Variants in RBMS3 observed in about 807,000 individuals in gnomAD.
RBMS3 encodes the protein RNA-binding motif, single-stranded-interacting protein 3.
RBMS3 carries 27 observed loss-of-function variants against 66.8 expected under a neutral mutation model. The observed-to-expected ratio is 0.40, with a 90% CI of 0.30 to 0.56. The LOEUF (loss-of-function observed/expected upper bound fraction) is 0.56. Among genes scored for constraint, RBMS3 ranks in the 20% least tolerant of loss-of-function variants. The pLI, the probability that RBMS3 is intolerant of heterozygous loss-of-function variation, is 0.40. For synonymous variants in RBMS3, 188 were observed against 183.0 expected, an observed-to-expected ratio of 1.03 and a Z score of -0.22; for missense variants, 513 against 549.5, an observed-to-expected ratio of 0.93 and a Z score of 0.66.
At chr3:29,317,876 G>T (rs557840431) in intron 1 of RBMS3, among the ~76,000 whole-genome samples, 1 of 151,856 alleles carries the variant, frequency 6.6e-6, no homozygotes, top group Non-Finnish European at 1.5e-5. Context: ...CCCTCCAGTG[G>T]AAATGAGTTA....
At chr3:29,864,957 GAAGA>G (rs202129352) in intron 6 of RBMS3, among the ~76,000 whole-genome samples, 7,542 of 99,008 alleles carry the variant, frequency 0.076, 406 homozygotes, top group East Asian at 0.12. Context: ...GGGAAGGAAG[GAAGA>G]AAGGAAGGAA....
chr3:29,990,431 A>T (rs1305642779), intron 13 of RBMS3, among the ~76,000 whole-genome samples: 2 of 149,836 alleles, frequency 1.3e-5, no homozygotes, highest in African/African-American at 4.9e-5. Context: ...CAATTCCGGA[A>T]ATCCACTCTT....
chr3:29,307,123 C>A (rs1356828901), intron 1 of RBMS3, among the ~76,000 whole-genome samples: 1 of 151,864 alleles, frequency 6.6e-6, no homozygotes, highest in Non-Finnish European at 1.5e-5. Context: ...CCATTTCAGT[C>A]TTCAAACTCA....
chr3:29,724,808 T>A (rs980382866), intron 4 of RBMS3, among the ~76,000 whole-genome samples: 4 of 152,162 alleles, frequency 2.6e-5, no homozygotes, highest in Non-Finnish European at 5.9e-5. Flanking sequence ...GGGACAGATA[T>A]CTAATTCTTC....
intron 4 of RBMS3, among the ~76,000 whole-genome samples, chr3:29,728,215 G>T (rs79171330): frequency 6.6e-6 from 1 of 152,018 alleles, no homozygotes; most frequent in African/African-American, 2.4e-5. Context: ...TGGGGCAGGG[G>T]GGTAAGGGGA....
intron 4 of RBMS3, among the ~76,000 whole-genome samples, chr3:29,711,607 G>A (rs750425430): frequency 4.6e-5 from 7 of 152,048 alleles, no homozygotes; most frequent in Non-Finnish European, 1.0e-4. Flanking sequence ...AGCCAAGCAG[G>A]GTCAGACTAC....
At chr3:29,698,102 T>G in intron 4 of RBMS3, 5 of 649,572 alleles carry the variant, frequency 7.7e-6, no homozygotes, top group Non-Finnish European at 9.5e-6. Context: ...TCATTTTATG[T>G]GAGCTCCCTG....
At chr3:29,942,808 CTTTT>C (rs558929331) in intron 11 of RBMS3, among the ~76,000 whole-genome samples, 1 of 130,924 alleles carries the variant, frequency 7.6e-6, no homozygotes. Flanking sequence ...CAATAATTAA[CTTTT>C]TTTTTTTTTT....
chr3:29,661,302 A>C (rs1260856512), intron 4 of RBMS3, among the ~76,000 whole-genome samples: 1 of 152,122 alleles, frequency 6.6e-6, no homozygotes, highest in Non-Finnish European at 1.5e-5. Context: ...AGAATCCCCT[A>C]TCTGCTGGTT....
chr3:29,802,277 C>A (rs992914854), intron 6 of RBMS3, among the ~76,000 whole-genome samples: 5 of 152,130 alleles, frequency 3.3e-5, no homozygotes, highest in African/African-American at 4.8e-5. Context: ...CGGGCAGTGA[C>A]AAAGTCAATA....
chr3:29,827,969 G>A (rs1409850824), intron 6 of RBMS3, among the ~76,000 whole-genome samples: 4 of 151,920 alleles, frequency 2.6e-5, no homozygotes, highest in African/African-American at 9.7e-5. Flanking sequence ...GTTCCCCCTT[G>A]TTTTTACCCT....
intron 14 of RBMS3, among the ~76,000 whole-genome samples, chr3:29,992,241 A>T (rs934258685): frequency 2.6e-5 from 4 of 152,206 alleles, no homozygotes; most frequent in African/African-American, 9.6e-5. Context: ...ATTAAGAAAT[A>T]ATTTATTTAT....
chr3:29,303,484 T>C (rs1034869989), intron 1 of RBMS3, among the ~76,000 whole-genome samples: 12 of 152,054 alleles, frequency 7.9e-5, no homozygotes, highest in Non-Finnish European at 5.9e-5. Flanking sequence ...GTCACATATC[T>C]GCATTATAAA....
intron 4 of RBMS3, among the ~76,000 whole-genome samples, chr3:29,714,343 T>C (rs2053301524): frequency 6.6e-6 from 1 of 152,222 alleles, no homozygotes; most frequent in Admixed American, 6.5e-5. Context: ...CTTCAAGTTT[T>C]GTGGCCTATG....
At chr3:29,569,757 A>G (rs1428103512) in intron 3 of RBMS3, among the ~76,000 whole-genome samples, 6 of 152,190 alleles carry the variant, frequency 3.9e-5, no homozygotes, top group East Asian at 1.9e-4. Flanking sequence ...ATCATTCTCT[A>G]AAGTCTAGGA....
chr3:29,776,633 G>A (rs1397060111), intron 6 of RBMS3, among the ~76,000 whole-genome samples: 2 of 152,018 alleles, frequency 1.3e-5, no homozygotes, highest in African/African-American at 2.4e-5. Flanking sequence ...ATGGTAGATA[G>A]TATTAGTAGC....
chr3:29,712,129 G>A (rs187938940), intron 4 of RBMS3, among the ~76,000 whole-genome samples: 2 of 152,128 alleles, frequency 1.3e-5, no homozygotes, highest in Admixed American at 1.3e-4. Flanking sequence ...AGAGAAAAAG[G>A]TTTTCTCTGT....
chr3:29,560,040 GT>G (rs1382841990), intron 3 of RBMS3, among the ~76,000 whole-genome samples: 3 of 152,066 alleles, frequency 2.0e-5, no homozygotes, highest in Non-Finnish European at 4.4e-5. Context: ...TAAATCACTT[GT>G]CATAGATGAT....
At chr3:29,930,347 C>A (rs916480737) in intron 10 of RBMS3, among the ~76,000 whole-genome samples, 2 of 151,126 alleles carry the variant, frequency 1.3e-5, no homozygotes, top group Admixed American at 1.3e-4. Context: ...CTCCTGACCT[C>A]GTGATCCGCC....
Sources: gnomAD v4.1 joint callset for allele counts (sites outside exome capture counted in the v4.1 genomes callset) on GRCh38, gnomAD v4.1.1 for gene constraint, MANE v1.5 for transcripts, NCBI Gene and HGNC (gene_info 2026-07-23, HGNC 2026-07-21) for gene names.